Variants in UROC1 observed in about 807,000 individuals in gnomAD.
UROC1 encodes the protein urocanate hydratase.
In UROC1, 79 loss-of-function variants were observed where a neutral mutation model predicts 89.5. The ratio of observed to expected loss-of-function variants is 0.88; its 90% CI spans 0.74 to 1.06. The LOEUF (loss-of-function observed/expected upper bound fraction) is 1.06, where lower values mean the gene tolerates loss of function less well. Among genes scored for constraint, UROC1 ranks in the 50% least tolerant of loss-of-function variants. UROC1 has a pLI of 0.00. For synonymous variants in UROC1, 361 were observed against 354.8 expected (o/e 1.02, Z -0.20); for missense variants, 885 against 907.8 (o/e 0.97, Z 0.32).
rs376841069 is a variant in UROC1, at chr3:126,489,371, G to A, written c.1613C>T (p.Pro538Leu). The A allele has an allele frequency of 9.3e-6, 15 of 1,611,548 alleles. No individual in the cohort carries two copies. Among genetic ancestry groups the A allele is most frequent in the Admixed American group, 5.0e-5 (3 of 60,010 alleles). Residue 538 changes from proline to leucine, a missense_variant, in exon 17 of 20, where the codon CCG becomes CTG. Physicochemically the swap from Pro to Leu is moderately conservative, Grantham distance 98. Coordinates refer to ENST00000290868, the MANE Select transcript of UROC1 (RefSeq NM_144639.3). ...ATGGTGATCTCGGCTCAGGACCACCGGCGCCTGTGCATGGAAGGACAGAAG... is the reference window on the plus strand; with the variant it reads ...ATGGTGATCTCGGCTCAGGACCACCAGCGCCTGTGCATGGAAGGACAGAAG... ...QAIACRRIKAPVVLSRDHHDV... is the reference protein window; with the variant it reads ...QAIACRRIKALVVLSRDHHDV...
intron 11 of UROC1, 138 bp downstream of exon 11, chr3:126,500,557 G>A (rs1295081648): frequency 6.8e-6 from 7 of 1,033,802 alleles, no homozygotes; most frequent in Non-Finnish European, 1.1e-5. Context: ...TCTGATGGGT[G>A]GAGGCAGAGG....
At chr3:126,517,481 G>A (rs1936354346) in intron 1 of UROC1, 113 bp downstream of exon 1, 22 of 1,543,190 alleles carry the variant, frequency 1.4e-5, no homozygotes, top group Non-Finnish European at 1.8e-5. Flanking sequence ...TGGAGTCCAG[G>A]GTGGGCGGCT....
chr3:126,484,672 C>T (rs1481146194), intron 18 of UROC1, among the ~76,000 whole-genome samples: 1 of 152,190 alleles, frequency 6.6e-6, no homozygotes, highest in South Asian at 2.1e-4. Flanking sequence ...ATTCCTGGTC[C>T]CAGAAGCTGC....
intron 15 of UROC1, among the ~76,000 whole-genome samples, chr3:126,492,837 G>A (rs1935686798): frequency 6.6e-6 from 1 of 152,210 alleles, no homozygotes; most frequent in African/African-American, 2.4e-5. Context: ...CTCCAGGGAG[G>A]TTACCTATTG....
At chr3:126,510,272 T>G (rs1017207158) in intron 2 of UROC1, among the ~76,000 whole-genome samples, 1 of 152,206 alleles carries the variant, frequency 6.6e-6, no homozygotes, top group Non-Finnish European at 1.5e-5. Flanking sequence ...TTGAGACCCT[T>G]ATCGAGATCG....
At position 126,509,786 on chromosome 3, in the gene UROC1, G is replaced by A; in HGVS notation, c.258-108C>T. 6.6e-6 allele frequency: 7 copies of A among 1,056,104 alleles called. 1 individual carries two copies. In the South Asian group the frequency reaches 9.5e-5, roughly 14 times the overall value. The allele number at this position is 1,056,104 out of a possible 1,614,324, so 65.4% of individuals were successfully genotyped here. ...TCAGGCAAGGATAGCCGGACACGGG[G>A]CCTGCAGAACTAGCTAGGAACGTAC... On this transcript the variant is annotated intron_variant, in intron 2 of 19. Transcript: ENST00000290868.
intron 9 of UROC1, among the ~76,000 whole-genome samples, chr3:126,502,892 G>A (rs1266432687): frequency 1.3e-5 from 2 of 151,606 alleles, no homozygotes; most frequent in Non-Finnish European, 2.9e-5. Context: ...GTGTGCATGT[G>A]TGTGCTGCAT....
In UROC1 at chr3:126,490,945, G is replaced by T. The variant is rs569804125; in HGVS notation, c.1608+1473C>A. The stretch of plus-strand genomic sequence containing the variant: ...CCTGGAAACTTTTCAGGTAGCGCTG[G>T]TTGATGGGCGTGATCTTCCCAACCT... On this transcript the variant is annotated intron_variant, in intron 16 of 19. Coordinates refer to ENST00000290868, the MANE Select transcript of UROC1 (RefSeq NM_144639.3). 2.0e-5 allele frequency among the ~76,000 whole-genome samples: 3 copies of T among 152,298 alleles called. No homozygotes were observed. In the South Asian group the frequency reaches 6.2e-4, roughly 32 times the overall value.
At position 126,482,399 on chromosome 3, in the gene UROC1, T is replaced by C. The variant is rs529816487; in HGVS notation, c.1977A>G (p.Thr659=). The change falls in exon 20 of 20, where the codon ACA becomes ACG. Residue 659 remains threonine (T), a synonymous_variant. Coordinates refer to ENST00000290868, the MANE Select transcript of UROC1 (RefSeq NM_144639.3). ...GCTCGTCCTCCACCTTGTGAGGCAG[T>C]GTCACCACCAAGGTGCTGTTCTCCT... The part of the protein sequence containing the change: ...TMQENSTLVV[T]LPHKVEDERV... 1.2e-6 allele frequency: 2 copies of C among 1,613,940 alleles called. No individual in the cohort carries two copies. Among genetic ancestry groups the C allele is most frequent in the East Asian group, 2.2e-5 (1 of 44,866 alleles).
chr3:126,502,013 A>T lies in UROC1; in HGVS notation c.903-733T>A, dbSNP rs562029559. ...GTCTTCCTCAGCTCGGGGGTTGCGG[A>T]AGTGTGGCAGACAGGTTGCTCGAGA... is the stretch of plus-strand genomic sequence containing the variant. On this transcript the variant is annotated intron_variant, in intron 9 of 19. Transcript: ENST00000290868. 9.6e-5 allele frequency: 142 copies of T among 1,473,410 alleles called. 1 individual carries two copies. The highest frequency in any genetic ancestry group is 2.5e-4 in the Admixed American group (10 of 40,644). The allele number at this position is 1,473,410 out of a possible 1,614,324, so 91.3% of individuals were successfully genotyped here.
intron 9 of UROC1, among the ~76,000 whole-genome samples, chr3:126,502,243 CTG>C (rs1414923240): frequency 6.7e-6 from 1 of 148,270 alleles, no homozygotes; most frequent in African/African-American, 2.5e-5. Context: ...GTGCATGTGT[CTG>C]TGTGTTTATG....
Position 126,483,423 on chromosome 3 carries a change from G to C in UROC1, c.1836C>G (p.Thr612=), listed in dbSNP as rs1042218375. The C allele has an allele frequency of 3.1e-6, 5 of 1,613,780 alleles. No individual in the cohort carries two copies. ...GCCTGGCTCTCCCCTCGGCCTCCGGGGTACCGTCCAGCACGAGGCCGAATC... is the reference window on the plus strand; with the variant it reads ...GCCTGGCTCTCCCCTCGGCCTCCGGCGTACCGTCCAGCACGAGGCCGAATC... The part of the protein sequence containing the change: ...NGGFGLVLDG[T]PEAEGRARLM... Residue 612 remains threonine, a synonymous_variant, in exon 19 of 20, where the codon ACC becomes ACG. Coordinates refer to ENST00000290868, the MANE Select transcript of UROC1 (RefSeq NM_144639.3).
At chr3:126,491,617 A>G (rs914208497) in intron 16 of UROC1, among the ~76,000 whole-genome samples, 2 of 152,218 alleles carry the variant, frequency 1.3e-5, no homozygotes, top group Non-Finnish European at 2.9e-5. Context: ...CCCAATGTCT[A>G]TCTTACACCT....
chr3:126,497,945 C>G, intron 14 of UROC1, 106 bp downstream of exon 14: 2 of 1,595,038 alleles, frequency 1.3e-6, no homozygotes, highest in South Asian at 1.1e-5. Flanking sequence ...CGCCCAGGTT[C>G]CCTCCCAGAA....
chr3:126,499,616 G>A (rs544014966), intron 12 of UROC1, among the ~76,000 whole-genome samples: 11 of 152,352 alleles, frequency 7.2e-5, no homozygotes, highest in South Asian at 2.1e-4. Flanking sequence ...TGCCATGGAC[G>A]CTGTGTCAGC....
intron 18 of UROC1, among the ~76,000 whole-genome samples, chr3:126,487,047 G>A (rs533474597): frequency 1.3e-5 from 2 of 152,368 alleles, no homozygotes; most frequent in South Asian, 4.1e-4. Flanking sequence ...GAGCAACTTA[G>A]GAATTTGCAG....
At chr3:126,514,325 T>C in intron 1 of UROC1, among the ~76,000 whole-genome samples, 1 of 152,058 alleles carries the variant, frequency 6.6e-6, no homozygotes, top group East Asian at 1.9e-4. Flanking sequence ...GCGCTGTGGG[T>C]GGGGTCGATT....
At position 126,488,247 on chromosome 3, in the gene UROC1, A is replaced by T. The variant is rs762276275; in HGVS notation, c.1741T>A (p.Cys581Ser). ...AGGGCGACCCAGGTGGCTCCGCGAC[A>T]GGCATCTCCCACGAAGTTCTGCACA... The part of the protein sequence containing the change: ...MAVQNFVGDA[C>S]RGATWVALHN... The change falls in exon 18 of 20, where the codon TGT becomes AGT. Residue 581 changes from cysteine to serine, a missense_variant. Transcript: ENST00000290868. The T allele has an allele frequency of 2.5e-6, 4 of 1,614,248 alleles. No homozygotes were observed. The highest frequency in any genetic ancestry group is 1.7e-5 in the Admixed American group (1 of 60,034).
chr3:126,508,377 A>T, intron 4 of UROC1, 39 bp downstream of exon 4: 1 of 1,604,954 alleles, frequency 6.2e-7, no homozygotes, highest in Non-Finnish European at 8.5e-7. Flanking sequence ...ACTAGAGGAA[A>T]GGCCAGGGGT....
Sources: allele counts gnomAD v4.1 joint callset (sites outside exome capture counted in the v4.1 genomes callset), GRCh38; gene constraint gnomAD v4.1.1; transcripts MANE v1.5; gene names NCBI Gene and HGNC (gene_info 2026-07-23, HGNC 2026-07-21).